UGCG: variants seen among roughly 807,000 people sequenced by gnomAD.
UGCG encodes the protein ceramide glucosyltransferase.
UGCG carries 10 observed loss-of-function variants against 49.5 expected under a neutral mutation model. The observed-to-expected ratio is 0.20, with a 90% CI of 0.12 to 0.34. UGCG has a LOEUF of 0.34. Ranked by LOEUF, UGCG falls within the 10% of genes least tolerant of loss-of-function variation. The pLI is 1.00. For synonymous variants in UGCG, 182 were observed against 158.2 expected (o/e 1.15, Z -1.13); for missense variants, 312 against 483.7 (o/e 0.65, Z 3.33).
chr9:111,914,591 C>G lies in UGCG; in HGVS notation c.99-14C>G, dbSNP rs376199074. 5.6e-6 allele frequency: 9 copies of G among 1,611,234 alleles called. No individual in the cohort carries two copies. Among genetic ancestry groups the G allele is most frequent in the Non-Finnish European group, 7.6e-6 (9 of 1,178,844 alleles). On this transcript the variant is annotated splice_polypyrimidine_tract_variant and intron_variant, in intron 1 of 8. Coordinates refer to ENST00000374279, the MANE Select transcript of UGCG (RefSeq NM_003358.3). ...TATTCTATAGAAATAATTTTTATAT[C>G]ATTTGCTTTTTAGCCGATTACACCT...
At position 111,933,143 on chromosome 9, in the gene UGCG, G is replaced by A. The variant is rs1287604784; in HGVS notation, c.*146G>A. ...TTTAATTTATTTTTGCATGGCACTT[G>A]CATCTGTGAAAAAAAAAAAAAACAC... On this transcript the variant is annotated 3_prime_UTR_variant, in exon 9 of 9. Transcript: ENST00000374279. The A allele has an allele frequency of 4.2e-6, 3 of 708,000 alleles. No individual in the cohort carries two copies. In the African/African-American group the frequency reaches 5.9e-5, roughly 14 times the overall value. 43.9% of individuals were successfully genotyped at this position (708,000 alleles called of 1,614,324 possible).
Position 111,932,150 on chromosome 9 carries a change from A to T in UGCG, c.825-20A>T. On this transcript the variant is annotated intron_variant, in intron 7 of 8. Coordinates refer to ENST00000374279, the MANE Select transcript of UGCG (RefSeq NM_003358.3). ...GTAGCCAGGATATTGTTTTAAAGAAAATCCTTTTTGTTTTTCCAGGTGGAC... is the reference window on the plus strand; with the variant it reads ...GTAGCCAGGATATTGTTTTAAAGAATATCCTTTTTGTTTTTCCAGGTGGAC... 18 of 1,611,300 alleles carry T rather than the reference A, an allele frequency of 1.1e-5. No individual in the cohort carries two copies. Among genetic ancestry groups the T allele is most frequent in the Non-Finnish European group, 1.5e-5 (18 of 1,178,134 alleles).
Position 111,933,926 on chromosome 9 carries a change from A to G in UGCG, c.*929A>G, listed in dbSNP as rs1024007411. On this transcript the variant is annotated 3_prime_UTR_variant, in exon 9 of 9. Coordinates refer to ENST00000374279, the MANE Select transcript of UGCG (RefSeq NM_003358.3). ...TAGTTGTAAGGAAAAAATGCATTTC[A>G]GACACATTTCACACATGAGCTATTT... 2 of 152,198 alleles carry G rather than the reference A, an allele frequency of 1.3e-5. No individual in the cohort carries two copies. The highest frequency in any genetic ancestry group is 4.8e-5 in the African/African-American group (2 of 41,444). 9.4% of individuals were successfully genotyped at this position (152,198 alleles called of 1,614,324 possible). A position where few individuals can be genotyped will look rare whatever the true frequency, so the allele number is the denominator to read the frequency against.
At chr9:111,932,084 A>T in intron 7 of UGCG, 86 bp from the exon 8 acceptor site, 1 of 1,422,480 alleles carries the variant, frequency 7.0e-7, no homozygotes, top group Middle Eastern at 1.9e-4. Context: ...CACAGGGTAA[A>T]AAAATTGATT....
intron 1 of UGCG, among the ~76,000 whole-genome samples, chr9:111,914,172 C>T (rs933439563): frequency 1.3e-5 from 2 of 152,198 alleles, no homozygotes; most frequent in Non-Finnish European, 2.9e-5. Context: ...TTTGGGCTAA[C>T]ACTGCCATTC....
intron 2 of UGCG, among the ~76,000 whole-genome samples, chr9:111,920,093 T>C (rs1206843194): frequency 6.6e-6 from 1 of 152,132 alleles, no homozygotes; most frequent in African/African-American, 2.4e-5. Flanking sequence ...TTCAGATTTT[T>C]ATCTGGTCTC....
intron 1 of UGCG, among the ~76,000 whole-genome samples, chr9:111,911,327 C>T (rs182745825): frequency 3.3e-5 from 5 of 152,062 alleles, no homozygotes; most frequent in Admixed American, 6.5e-5. Context: ...ATTGTCCTAA[C>T]GGTTCAATTA....
Position 111,897,162 on chromosome 9 carries a change from G to A in UGCG, c.-54G>A. ...CCCACCCTGTCCTCCTCCTGCGGGA[G>A]CGTTGTCCGTGTTGGCGGCCGCAGC... On this transcript the variant is annotated 5_prime_UTR_variant, in exon 1 of 9. Coordinates refer to ENST00000374279, the MANE Select transcript of UGCG (RefSeq NM_003358.3). 2 of 1,495,684 alleles carry A rather than the reference G, an allele frequency of 1.3e-6. No homozygotes were observed. Among genetic ancestry groups the A allele is most frequent in the Non-Finnish European group, 1.8e-6 (2 of 1,112,048 alleles). The allele number at this position is 1,495,684 out of a possible 1,614,324, so 92.7% of individuals were successfully genotyped here.
Position 111,897,314 on chromosome 9 carries a change from G to A in UGCG, c.98+1G>A. The stretch of plus-strand genomic sequence containing the variant: ...TGCATTTCATGGCTATCATCTACAC[G>A]TGAGTGAGGGACCGCAGGAGGGGCT... On this transcript the variant is annotated splice_donor_variant, in intron 1 of 8. Transcript: ENST00000374279. LOFTEE classifies it high-confidence loss of function. 1 of 1,553,412 alleles carries A rather than the reference G, an allele frequency of 6.4e-7. No homozygotes were observed. The highest frequency in any genetic ancestry group is 8.7e-7 in the Non-Finnish European group (1 of 1,149,142).
chr9:111,932,782 G>A (rs766938787), intron 8 of UGCG, 45 bp from the exon 9 acceptor site: 9 of 1,480,556 alleles, frequency 6.1e-6, no homozygotes, highest in Admixed American at 2.2e-5. Context: ...CTTGTCTTTA[G>A]TTTGACAGTG....
At position 111,934,924 on chromosome 9, in the gene UGCG, T is replaced by C. The variant is rs1028090442; in HGVS notation, c.*1927T>C. On this transcript the variant is annotated 3_prime_UTR_variant, in exon 9 of 9. Coordinates refer to ENST00000374279, the MANE Select transcript of UGCG (RefSeq NM_003358.3). ...TACCTGAGTTGAACTTTGCTCACCA[T>C]GTTTGTACTTGTTGGTCTGTTTAAT... 5.3e-5 allele frequency: 8 copies of C among 152,160 alleles called. No individual in the cohort carries two copies. Among genetic ancestry groups the C allele is most frequent in the African/African-American group, 1.4e-4 (6 of 41,468 alleles). 9.4% of individuals were successfully genotyped at this position (152,160 alleles called of 1,614,324 possible). A position where few individuals can be genotyped will look rare whatever the true frequency, so the allele number is the denominator to read the frequency against.
chr9:111,926,476 T>C lies in UGCG; in HGVS notation c.538T>C (p.Phe180Leu). 6.2e-7 allele frequency: 1 copy of C among 1,609,930 alleles called. No individual in the cohort carries two copies. The stretch of plus-strand genomic sequence containing the variant: ...GCCTTACGTAGCAGACAGACAGGGC[T>C]TTGCTGCCACCTTAGAGCAGGTGAG... ...GLPYVADRQG[F>L]AATLEQVYFG... Residue 180 changes from phenylalanine (F) to leucine (L), a missense_variant, in exon 5 of 9, where the codon TTT (phenylalanine) becomes CTT (leucine). Around this residue, in one of 4 missense-constraint regions of UGCG, gnomAD observed 180 missense variants for 320.4 expected, o/e 0.56. Transcript: ENST00000374279.
chr9:111,906,518 C>T (rs1003605116), intron 1 of UGCG, among the ~76,000 whole-genome samples: 2 of 152,208 alleles, frequency 1.3e-5, no homozygotes, highest in Non-Finnish European at 2.9e-5. Context: ...CAACCTCTGC[C>T]TCCTGGGTTC....
At chr9:111,930,200 C>T (rs1265702625) in intron 6 of UGCG, among the ~76,000 whole-genome samples, 3 of 152,086 alleles carry the variant, frequency 2.0e-5, no homozygotes, top group African/African-American at 7.2e-5. Flanking sequence ...TGTTCTGATT[C>T]CTCTACATTT....
chr9:111,925,823 A>G (rs1813202), intron 4 of UGCG, among the ~76,000 whole-genome samples: 113,947 of 152,230 alleles, frequency 0.75, 43,686 homozygotes, highest in East Asian at 0.93. Context: ...GAGTTAATCA[A>G]GACCATTACA....
At chr9:111,905,609 G>A (rs1188551846) in intron 1 of UGCG, among the ~76,000 whole-genome samples, 11 of 151,674 alleles carry the variant, frequency 7.3e-5, no homozygotes, top group African/African-American at 1.7e-4. Context: ...GCGCACCACC[G>A]TGCCCGGCTA....
In UGCG at chr9:111,931,341, C is replaced by G; in HGVS notation, c.808C>G (p.Gln270Glu). The G allele has an allele frequency of 1.9e-6, 3 of 1,613,750 alleles. No individual in the cohort carries two copies. Among genetic ancestry groups the G allele is most frequent in the Non-Finnish European group, 2.5e-6 (3 of 1,179,952 alleles). Residue 270 changes from glutamine (Q) to glutamate (E), a missense_variant, in exon 7 of 9, where the codon CAA becomes GAA. Around this residue, in one of 4 missense-constraint regions of UGCG, gnomAD observed 180 missense variants for 320.4 expected, o/e 0.56. Transcript: ENST00000374279. The part of the protein sequence containing the change: ...NSGSYSISQF[Q>E]SRMIRWTKLR... ...TGGCTCATATTCAATTTCTCAGTTT[C>G]AATCCAGAATGATCAGGTAAATCAA...
intron 2 of UGCG, among the ~76,000 whole-genome samples, chr9:111,918,955 A>AC (rs1838165726): frequency 6.6e-6 from 1 of 151,468 alleles, no homozygotes; most frequent in South Asian, 2.1e-4. Flanking sequence ...AAAAAAACAA[A>AC]AAAAAACACT....
Position 111,911,905 on chromosome 9 carries a change from GATATATATATATATATATATATAT to G in UGCG, c.99-2671_99-2648del, listed in dbSNP as rs200468304. Among the ~76,000 whole-genome samples the G allele has an allele frequency of 9.1e-3, 720 of 79,098 alleles. 16 individuals carry two copies. Among genetic ancestry groups the G allele is most frequent in the East Asian group, 0.025 (80 of 3,204 alleles). The allele number at this position is 79,098 out of a possible 152,430, so 51.9% of individuals were successfully genotyped here. Reference sequence around the variant, plus strand: ...TATCTCATATGTGTATATTCAACAGGATATATATATATATATATATATATATATATATATATATATATATATATA... The same window carrying G: ...TATCTCATATGTGTATATTCAACAGGATATATATATATATATATATATATA... On this transcript the variant is annotated intron_variant, in intron 1 of 8. Transcript: ENST00000374279.
Sources: allele counts gnomAD v4.1 joint callset (sites outside exome capture counted in the v4.1 genomes callset), GRCh38; gene constraint gnomAD v4.1.1; regional missense constraint gnomAD v4.1.1; transcripts MANE v1.5; gene names NCBI Gene and HGNC (gene_info 2026-07-23, HGNC 2026-07-21).